The following KBTBD8 variants were observed in gnomAD, a reference collection of about 807,000 sequenced individuals.
The protein encoded by KBTBD8 is kelch repeat and BTB domain-containing protein 8.
A neutral mutation model predicts 53.5 loss-of-function variants in KBTBD8; 31 were observed. That is an observed-to-expected ratio of 0.58 (90% confidence interval 0.44 to 0.78). KBTBD8 has a LOEUF of 0.78. Among genes scored for constraint, KBTBD8 ranks in the 30% least tolerant of loss-of-function variants. The probability of loss-of-function intolerance (pLI) is 0.00; values close to 1 mark genes in which losing one functional copy is unlikely to be tolerated. For missense variants in KBTBD8, 642 were observed against 735.8 expected (o/e 0.87, Z 1.48); for synonymous variants, 250 against 247.3 (o/e 1.01, Z -0.10).
chr3:67,000,275 C>T (rs955569406), intron 2 of KBTBD8, among the ~76,000 whole-genome samples: 6 of 151,968 alleles, frequency 3.9e-5, no homozygotes, highest in African/African-American at 1.5e-4. Context: ...TATTAATCAT[C>T]GCAAGACAGT....
Position 66,998,632 on chromosome 3 carries a change from C to T in KBTBD8, c.16+261C>T, listed in dbSNP as rs574266408. The stretch of plus-strand genomic sequence containing the variant: ...GGCGGCTTGAGGGGGCACCGGCGGC[C>T]GCCGTTGTTCGAGCTTCCCTCGTGA... On this transcript the variant is annotated intron_variant, in intron 1 of 3. Transcript: ENST00000417314. Among the ~76,000 whole-genome samples, 475 of 152,160 alleles carry T rather than the reference C, an allele frequency of 3.1e-3. 6 individuals carry two copies. The highest frequency in any genetic ancestry group is 0.011 in the African/African-American group (460 of 41,544).
rs1394935296 is a variant in KBTBD8 at position 67,008,396 on chromosome 3, G to A, written c.*11G>A. On this transcript the variant is annotated 3_prime_UTR_variant, in exon 4 of 4. Coordinates refer to ENST00000417314, the MANE Select transcript of KBTBD8 (RefSeq NM_032505.3). ...CAGAAAGTACTCTAAATGAGTAGCA[G>A]GCCTTAGTGCATCACTGGCATCTCA... 4 of 1,543,302 alleles carry A rather than the reference G, an allele frequency of 2.6e-6. No individual in the cohort carries two copies. Among genetic ancestry groups the A allele is most frequent in the Non-Finnish European group, 3.6e-6 (4 of 1,122,978 alleles).
intron 3 of KBTBD8, among the ~76,000 whole-genome samples, chr3:67,007,079 C>A (rs966824682): frequency 2.0e-5 from 3 of 152,112 alleles, no homozygotes; most frequent in African/African-American, 7.2e-5. Flanking sequence ...TTTCTCTTTG[C>A]ATTATAGCAA....
rs553299942 is a variant in KBTBD8, at chr3:67,010,277, T to G, written c.*1892T>G. 4.6e-5 allele frequency: 7 copies of G among 152,752 alleles called. No homozygotes were observed. Among genetic ancestry groups the G allele is most frequent in the African/African-American group, 1.7e-4 (7 of 41,596 alleles). 9.5% of individuals were successfully genotyped at this position (152,752 alleles called of 1,614,324 possible). A position where few individuals can be genotyped will look rare whatever the true frequency, so the allele number is the denominator to read the frequency against. ...GAGGAGAGAGAAAAAACAATTTTTT[T>G]GCAAGAGATGTTCATGTAATTTATT... is the stretch of plus-strand genomic sequence containing the variant. On this transcript the variant is annotated 3_prime_UTR_variant, in exon 4 of 4. Coordinates refer to ENST00000417314, the MANE Select transcript of KBTBD8 (RefSeq NM_032505.3).
At chr3:66,998,468 G>C in intron 1 of KBTBD8, 97 bp downstream of exon 1, 1 of 962,510 alleles carries the variant, frequency 1.0e-6, no homozygotes, top group Non-Finnish European at 1.4e-6. Context: ...TAGCGGTGCG[G>C]AGCTAGAGGG....
Position 67,008,373 on chromosome 3 carries a change from G to A in KBTBD8, c.1794G>A (p.Gln598=). 1.9e-6 allele frequency: 3 copies of A among 1,606,414 alleles called. No homozygotes were observed. The highest frequency in any genetic ancestry group is 2.6e-6 in the Non-Finnish European group (3 of 1,174,672). ...CTAAACTGTATCCTCAGTGTCTTCA[G>A]AAAGTACTCTAAATGAGTAGCAGGC... ...AVAKLYPQCL[Q]KVL Residue 598 remains glutamine, a synonymous_variant, in exon 4 of 4, where the codon CAG becomes CAA. Coordinates refer to ENST00000417314, the MANE Select transcript of KBTBD8 (RefSeq NM_032505.3).
At chr3:66,999,628 T>C (rs1364497691) in intron 2 of KBTBD8, among the ~76,000 whole-genome samples, 3 of 152,268 alleles carry the variant, frequency 2.0e-5, no homozygotes. Flanking sequence ...ATTTTCATCA[T>C]TGACAATTTT....
At position 67,006,057 on chromosome 3, in the gene KBTBD8, T is replaced by C. The variant is rs17045710; in HGVS notation, c.1342+1748T>C. ...GAAGGAGTTGTACTCTCTGGTTCCT[T>C]ATTTTAGTTAAATAGAAGCACAGGC... On this transcript the variant is annotated intron_variant, in intron 3 of 3. Transcript: ENST00000417314. Among the ~76,000 whole-genome samples, 444 of 152,354 alleles carry C rather than the reference T, an allele frequency of 2.9e-3. 5 individuals are homozygous for C. The highest frequency in any genetic ancestry group is 0.025 in the East Asian group (129 of 5,192).
At position 67,010,766 on chromosome 3, in the gene KBTBD8, G is replaced by A. The variant is rs1347005953; in HGVS notation, c.*2381G>A. ...AAGACCTTAAGTAAAAGGCACAATG[G>A]GTACTACAGAATTAAAATGTAGGTC... On this transcript the variant is annotated 3_prime_UTR_variant, in exon 4 of 4. Transcript: ENST00000417314. 2.5e-5 allele frequency: 2 copies of A among 79,326 alleles called. No homozygotes were observed. Among genetic ancestry groups the A allele is most frequent in the Non-Finnish European group, 7.3e-5 (2 of 27,424 alleles). The allele number at this position is 79,326 out of a possible 1,614,324, so 4.9% of individuals were successfully genotyped here. A position where few individuals can be genotyped will look rare whatever the true frequency, so the allele number is the denominator to read the frequency against.
At chr3:67,004,442 A>T in intron 3 of KBTBD8, 133 bp downstream of exon 3, 1 of 828,252 alleles carries the variant, frequency 1.2e-6, no homozygotes, top group Non-Finnish European at 1.9e-6. Flanking sequence ...CTATTGGAAC[A>T]GTCTGTTCTG....
At chr3:67,005,787 C>T (rs1702060249) in intron 3 of KBTBD8, among the ~76,000 whole-genome samples, 1 of 151,674 alleles carries the variant, frequency 6.6e-6, no homozygotes, top group Non-Finnish European at 1.5e-5. Flanking sequence ...ATGATTCTTC[C>T]ACCTCAGTCT....
In KBTBD8 at chr3:67,003,754, A is replaced by G; in HGVS notation, c.787A>G (p.Lys263Glu). 6.2e-7 allele frequency: 1 copy of G among 1,614,136 alleles called. No individual in the cohort carries two copies. The highest frequency in any genetic ancestry group is 1.3e-5 in the African/African-American group (1 of 75,050). ...IPPQFAQAIA[K>E]SCVEKGPSNT... Reference sequence around the variant, plus strand: ...ACCTCAGTTTGCACAGGCTATAGCCAAAAGCTGTGTAGAAAAGGGACCATC... The same window carrying G: ...ACCTCAGTTTGCACAGGCTATAGCCGAAAGCTGTGTAGAAAAGGGACCATC... The change falls in exon 3 of 4, where the codon AAA becomes GAA. Residue 263 changes from lysine to glutamate, a missense_variant. Lys to Glu is a moderately conservative substitution (Grantham distance 56, BLOSUM62 1). Transcript: ENST00000417314.
rs1702098838 is a variant in KBTBD8, at chr3:67,009,526, C to T, written c.*1141C>T. 6.6e-6 allele frequency: 1 copy of T among 152,310 alleles called. No individual in the cohort carries two copies. Among genetic ancestry groups the T allele is most frequent in the Non-Finnish European group, 1.5e-5 (1 of 68,016 alleles). 9.4% of individuals were successfully genotyped at this position (152,310 alleles called of 1,614,324 possible). On this transcript the variant is annotated 3_prime_UTR_variant, in exon 4 of 4. Coordinates refer to ENST00000417314, the MANE Select transcript of KBTBD8 (RefSeq NM_032505.3). Reference sequence around the variant, plus strand: ...TTTAAGTTTCATATTACAATTAAAACCTCATTTTTTTTTTCCATTTTTGCA... The same window carrying T: ...TTTAAGTTTCATATTACAATTAAAATCTCATTTTTTTTTTCCATTTTTGCA...
Position 66,998,336 on chromosome 3 carries a change from A to G in KBTBD8, c.-20A>G. 1 of 1,295,512 alleles carries G rather than the reference A, an allele frequency of 7.7e-7. No individual in the cohort carries two copies. Among genetic ancestry groups the G allele is most frequent in the Non-Finnish European group, 9.9e-7 (1 of 1,013,828 alleles). 80.3% of individuals were successfully genotyped at this position (1,295,512 alleles called of 1,614,324 possible). On this transcript the variant is annotated 5_prime_UTR_variant, in exon 1 of 4. Transcript: ENST00000417314. Reference sequence around the variant, plus strand: ...TGACATTTCCTTTTTAAATAGCTGGAGTCGGGGCCCCATCGAGAAATGGCC... The same window carrying G: ...TGACATTTCCTTTTTAAATAGCTGGGGTCGGGGCCCCATCGAGAAATGGCC...
chr3:66,999,869 T>A (rs1029938072), intron 2 of KBTBD8, among the ~76,000 whole-genome samples: 9 of 152,224 alleles, frequency 5.9e-5, no homozygotes, highest in African/African-American at 2.2e-4. Flanking sequence ...TAGAAGTATG[T>A]TAAACGAAGT....
rs1702097377 is a variant in KBTBD8, at chr3:67,009,337, A to T, written c.*952A>T. The T allele has an allele frequency of 6.6e-6, 1 of 152,614 alleles. No homozygotes were observed. Among genetic ancestry groups the T allele is most frequent in the Non-Finnish European group, 1.5e-5 (1 of 68,026 alleles). The allele number at this position is 152,614 out of a possible 1,614,324, so 9.5% of individuals were successfully genotyped here. On this transcript the variant is annotated 3_prime_UTR_variant, in exon 4 of 4. Coordinates refer to ENST00000417314, the MANE Select transcript of KBTBD8 (RefSeq NM_032505.3). ...TACCCAGTTTGCACTAACATGGGCC[A>T]TTTGTAGCCCAACCTTCTCTTCCAT...
At chr3:67,006,448 T>TA (rs1333333382) in intron 3 of KBTBD8, among the ~76,000 whole-genome samples, 98 of 152,370 alleles carry the variant, frequency 6.4e-4, no homozygotes, top group Non-Finnish European at 7.3e-5. Flanking sequence ...CTTTAGATTT[T>TA]AACATTCAAC....
chr3:66,999,246 T>A (rs1463205057), intron 2 of KBTBD8, 55 bp downstream of exon 2: 1 of 1,323,960 alleles, frequency 7.6e-7, no homozygotes, highest in Admixed American at 1.7e-5. Flanking sequence ...CCTTTCCCCC[T>A]CAGTATTGTC....
At chr3:67,002,868 A>G (rs115761018) in intron 2 of KBTBD8, among the ~76,000 whole-genome samples, 2,240 of 152,276 alleles carry the variant, frequency 0.015, 65 homozygotes, top group African/African-American at 0.052. Flanking sequence ...CAACTTGACC[A>G]GAACTCTGGA....
Sources: gnomAD v4.1 joint callset for allele counts (sites outside exome capture counted in the v4.1 genomes callset) on GRCh38, gnomAD v4.1.1 for gene constraint, MANE v1.5 for transcripts, NCBI Gene and HGNC (gene_info 2026-07-23, HGNC 2026-07-21) for gene names.